Variants in KLHL29 observed in about 807,000 individuals in gnomAD.
KLHL29 encodes kelch-like protein 29.
KLHL29 carries 21 observed loss-of-function variants against 80.4 expected under a neutral mutation model. The ratio of observed to expected loss-of-function variants is 0.26; its 90% CI spans 0.19 to 0.38. The LOEUF (loss-of-function observed/expected upper bound fraction) is 0.38, where lower values mean the gene tolerates loss of function less well. Among genes scored for constraint, KLHL29 ranks in the 10% least tolerant of loss-of-function variants. The pLI is 1.00. For missense variants in KLHL29, 867 were observed against 1,223.9 expected (o/e 0.71, Z 4.35); for synonymous variants, 511 against 526.8 (o/e 0.97, Z 0.41).
intron 3 of KLHL29, among the ~76,000 whole-genome samples, chr2:23,601,796 G>T (rs936647957): frequency 6.6e-6 from 1 of 152,192 alleles, no homozygotes; most frequent in Non-Finnish European, 1.5e-5. Flanking sequence ...GTCTGATGGA[G>T]ACCCAGGGGT....
At chr2:23,507,612 G>T (rs564164622) in intron 2 of KLHL29, among the ~76,000 whole-genome samples, 5 of 152,188 alleles carry the variant, frequency 3.3e-5, no homozygotes, top group Non-Finnish European at 5.9e-5. Context: ...CTGCTCTTGA[G>T]TGTGACTTCA....
In KLHL29 at chr2:23,519,099, G is replaced by A. The variant is rs190973345; in HGVS notation, c.-45-43053G>A. Among the ~76,000 whole-genome samples, 3 of 152,290 alleles carry A rather than the reference G, an allele frequency of 2.0e-5. No individual in the cohort carries two copies. The East Asian group carries it at 5.8e-4, about 29-fold the overall frequency. ...ACCATGCCCTGGAATGCACTTTCCA[G>A]TCTCAAGGCTTTTCTCATGTTCTGT... On this transcript the variant is annotated intron_variant, in intron 2 of 13. Coordinates refer to ENST00000486442, the MANE Select transcript of KLHL29 (RefSeq NM_052920.2).
chr2:23,623,991 A>T (rs1280472221), intron 3 of KLHL29, among the ~76,000 whole-genome samples: 1 of 152,076 alleles, frequency 6.6e-6, no homozygotes, highest in African/African-American at 2.4e-5. Context: ...AATAGAAGAG[A>T]ATTTTGATGC....
chr2:23,461,599 G>A (rs1224735517), intron 1 of KLHL29, among the ~76,000 whole-genome samples: 1 of 151,874 alleles, frequency 6.6e-6, no homozygotes, highest in Non-Finnish European at 1.5e-5. Context: ...ACTTTTTGCT[G>A]CCTAAGCCTT....
intron 1 of KLHL29, among the ~76,000 whole-genome samples, chr2:23,425,595 G>A (rs1405503472): frequency 6.6e-6 from 1 of 152,186 alleles, no homozygotes; most frequent in Non-Finnish European, 1.5e-5. Flanking sequence ...CTGGTGTGGG[G>A]ATAGGGAGTG....
At chr2:23,403,042 A>G (rs1160666438) in intron 1 of KLHL29, among the ~76,000 whole-genome samples, 1 of 151,802 alleles carries the variant, frequency 6.6e-6, no homozygotes, top group Non-Finnish European at 1.5e-5. Flanking sequence ...AATGTCAAGT[A>G]TATGAAAACA....
intron 5 of KLHL29, among the ~76,000 whole-genome samples, chr2:23,649,995 T>C (rs1205175822): frequency 1.3e-5 from 2 of 152,230 alleles, no homozygotes; most frequent in African/African-American, 4.8e-5. Flanking sequence ...GTTGTGGTCT[T>C]AGGCACCTCC....
rs1009428941 is a variant in KLHL29 at position 23,562,537 on chromosome 2, G to T, written c.285+56G>T. ...CCGGACAGAGGGGCCCTGCCTCCCTGCAGGCTCAGGCCAGCCCCACAGGCT... is the reference window on the plus strand; with the variant it reads ...CCGGACAGAGGGGCCCTGCCTCCCTTCAGGCTCAGGCCAGCCCCACAGGCT... On this transcript the variant is annotated intron_variant, in intron 3 of 13. Coordinates refer to ENST00000486442, the MANE Select transcript of KLHL29 (RefSeq NM_052920.2). The surrounding 1 kb of genome is among the most constrained non-coding windows in gnomAD (Gnocchi z 4.5). The T allele has an allele frequency of 6.6e-7, 1 of 1,512,218 alleles. No individual in the cohort carries two copies. The highest frequency in any genetic ancestry group is 1.4e-5 in the African/African-American group (1 of 72,538). The allele number at this position is 1,512,218 out of a possible 1,614,324, so 93.7% of individuals were successfully genotyped here.
chr2:23,602,955 A>G (rs1453445242), intron 3 of KLHL29, among the ~76,000 whole-genome samples: 1 of 151,944 alleles, frequency 6.6e-6, no homozygotes, highest in Admixed American at 6.6e-5. Context: ...GGCTTCATAG[A>G]CCCCTCTGAT....
intron 1 of KLHL29, among the ~76,000 whole-genome samples, chr2:23,474,131 G>T (rs1203840879): frequency 1.3e-5 from 2 of 152,096 alleles, no homozygotes; most frequent in Non-Finnish European, 2.9e-5. Flanking sequence ...TAAGTGTATT[G>T]TATATTCTGT....
At chr2:23,626,361 C>T (rs1669309136) in intron 3 of KLHL29, among the ~76,000 whole-genome samples, 1 of 152,220 alleles carries the variant, frequency 6.6e-6, no homozygotes, top group Non-Finnish European at 1.5e-5. Flanking sequence ...TAGTTCCTAA[C>T]AGGCCACAGG....
chr2:23,387,504 T>TTTTTTATTATTA (rs1553317087), intron 1 of KLHL29, among the ~76,000 whole-genome samples: 5 of 117,680 alleles, frequency 4.2e-5, no homozygotes, highest in African/African-American at 1.4e-4. Context: ...TCATTCCTGA[T>TTTTTTATTATTA]TTATTATTAT....
At chr2:23,631,079 G>A (rs575031081) in intron 3 of KLHL29, among the ~76,000 whole-genome samples, 6 of 152,314 alleles carry the variant, frequency 3.9e-5, no homozygotes, top group Admixed American at 2.6e-4. Flanking sequence ...GAGGATCACA[G>A]GGCAAGGACA....
chr2:23,590,150 T>C (rs1289414944), intron 3 of KLHL29, among the ~76,000 whole-genome samples: 4 of 152,264 alleles, frequency 2.6e-5, no homozygotes, highest in Non-Finnish European at 4.4e-5. Flanking sequence ...AAGAGCCAAC[T>C]GCATGGCTGG....
At chr2:23,526,560 G>GA (rs1666326015) in intron 2 of KLHL29, among the ~76,000 whole-genome samples, 1 of 152,182 alleles carries the variant, frequency 6.6e-6, no homozygotes, top group South Asian at 2.1e-4. Context: ...AGGGGAGAGA[G>GA]AGGAGCCTAG....
At chr2:23,577,432 C>T (rs534786466) in intron 3 of KLHL29, among the ~76,000 whole-genome samples, 1 of 152,010 alleles carries the variant, frequency 6.6e-6, no homozygotes, top group South Asian at 2.1e-4. Context: ...GCCTGGGCAA[C>T]AGAGCAGGAC....
chr2:23,416,587 CTG>C (rs1052891920), intron 1 of KLHL29, among the ~76,000 whole-genome samples: 15 of 152,180 alleles, frequency 9.9e-5, no homozygotes, highest in Non-Finnish European at 1.2e-4. Context: ...TCACATCACC[CTG>C]TCTTTTGAGC....
intron 1 of KLHL29, among the ~76,000 whole-genome samples, chr2:23,470,168 G>T (rs536523068): frequency 6.6e-6 from 1 of 151,896 alleles, no homozygotes; most frequent in Non-Finnish European, 1.5e-5. Flanking sequence ...CATTCTCCTC[G>T]CCCCAAACCA....
In KLHL29 at chr2:23,608,822, C is replaced by T. The variant is rs541802776; in HGVS notation, c.286-30317C>T. Among the ~76,000 whole-genome samples the T allele has an allele frequency of 4.6e-5, 7 of 152,112 alleles. No individual in the cohort carries two copies. The South Asian group carries it at 1.0e-3, about 23-fold the overall frequency. On this transcript the variant is annotated intron_variant, in intron 3 of 13. Transcript: ENST00000486442. ...TAAATCACACAATTGTTTTTTTCTA[C>T]GAATACTTATATGCTCTGTTTTATC...
Sources: allele counts gnomAD v4.1 joint callset (sites outside exome capture counted in the v4.1 genomes callset), GRCh38; gene constraint gnomAD v4.1.1; non-coding constraint Gnocchi (gnomAD v3.1); transcripts MANE v1.5; gene names NCBI Gene and HGNC (gene_info 2026-07-23, HGNC 2026-07-21).